The following CACNA1S variants were observed in gnomAD, a reference collection of about 807,000 sequenced individuals.
CACNA1S encodes voltage-dependent L-type calcium channel subunit alpha-1S.
In CACNA1S, 126 loss-of-function variants were observed where a neutral mutation model predicts 207.4. That is an observed-to-expected ratio of 0.61 (90% CI 0.53 to 0.70). CACNA1S has a LOEUF of 0.70. Ranked by LOEUF, CACNA1S falls within the 30% of genes least tolerant of loss-of-function variation. CACNA1S has a pLI of 0.00. For missense variants in CACNA1S, 2,349 were observed against 2,422.8 expected (o/e 0.97, Z 0.64); for synonymous variants, 960 against 932.7 (o/e 1.03, Z -0.53).
intron 36 of CACNA1S, 59 bp downstream of exon 36, chr1:201,048,523 C>T: frequency 7.4e-7 from 1 of 1,356,174 alleles, no homozygotes; most frequent in Non-Finnish European, 1.1e-6. Flanking sequence ...CTGGCAGAAT[C>T]TGTGCCAGAA....
intron 28 of CACNA1S, among the ~76,000 whole-genome samples, chr1:201,058,087 C>T (rs1660909458): frequency 6.6e-6 from 1 of 152,236 alleles, no homozygotes. Context: ...CAGTCACCAC[C>T]TCCCTTTCCT....
chr1:201,104,698 AT>A (rs1160670580), intron 2 of CACNA1S, among the ~76,000 whole-genome samples: 1 of 152,220 alleles, frequency 6.6e-6, no homozygotes, highest in African/African-American at 2.4e-5. Flanking sequence ...ATACTTTGAC[AT>A]AGGATTGCTT....
At position 201,061,561 on chromosome 1, in the gene CACNA1S, G is replaced by A. The variant is rs770445903; in HGVS notation, c.3054-93C>T. The A allele has an allele frequency of 5.1e-4, 584 of 1,142,030 alleles. 3 individuals are homozygous for A. Among genetic ancestry groups the A allele is most frequent in the Non-Finnish European group, 7.0e-4 (552 of 788,834 alleles). The allele number at this position is 1,142,030 out of a possible 1,614,324, so 70.7% of individuals were successfully genotyped here. On this transcript the variant is annotated intron_variant, in intron 24 of 43. Transcript: ENST00000362061. ...GATGGGCTTTATCCCACTGGCTGTGGAGAGCCAAGAGAGCCTTCTCAACAA... is the reference window on the plus strand; with the variant it reads ...GATGGGCTTTATCCCACTGGCTGTGAAGAGCCAAGAGAGCCTTCTCAACAA...
At position 201,048,995 on chromosome 1, in the gene CACNA1S, C is replaced by G; in HGVS notation, c.4338+8G>C. 1 of 1,610,726 alleles carries G rather than the reference C, an allele frequency of 6.2e-7. No homozygotes were observed. Among genetic ancestry groups the G allele is most frequent in the Non-Finnish European group, 8.5e-7 (1 of 1,177,214 alleles). Reference sequence around the variant, plus strand: ...CTGGGGCCACCCATCCCTGGCAGCTCTGGTTACCTTACAAGCTACCCGATG... The same window carrying G: ...CTGGGGCCACCCATCCCTGGCAGCTGTGGTTACCTTACAAGCTACCCGATG... On this transcript the variant is annotated splice_region_variant and intron_variant, in intron 35 of 43. Coordinates refer to ENST00000362061, the MANE Select transcript of CACNA1S (RefSeq NM_000069.3).
In CACNA1S at chr1:201,085,551, C is replaced by G; in HGVS notation, c.1035G>C (p.Lys345Asn). 6.2e-7 allele frequency: 1 copy of G among 1,613,696 alleles called. No homozygotes were observed. The highest frequency in any genetic ancestry group is 8.5e-7 in the Non-Finnish European group (1 of 1,179,974). The change falls in exon 8 of 44, where the codon AAG (lysine) becomes AAC (asparagine). Residue 345 changes from lysine (K) to asparagine (N), a missense_variant. Physicochemically the swap from Lys to Asn is moderately conservative, Grantham distance 94 (BLOSUM62 0). Transcript: ENST00000362061. ...GGAGCTTCTGGAAGGTTCCCCTGGA[C>G]TTGGCCTTCTCCCGCTCCTTGGTGA... ...GEFTKEREKA[K>N]SRGTFQKLRE...
chr1:201,067,040 G>A lies in CACNA1S; in HGVS notation c.2551-47C>T, dbSNP rs1451777841. The stretch of plus-strand genomic sequence containing the variant: ...CCTGGATGGAGGAGCTTGGAGAACA[G>A]GCCTGTCTCCCACAGACAAGGGCTT... On this transcript the variant is annotated intron_variant, in intron 19 of 43. Coordinates refer to ENST00000362061, the MANE Select transcript of CACNA1S (RefSeq NM_000069.3). 6.2e-6 allele frequency: 8 copies of A among 1,286,526 alleles called. No individual in the cohort carries two copies. In the Admixed American group the frequency reaches 1.4e-4, roughly 23 times the overall value. The allele number at this position is 1,286,526 out of a possible 1,614,324, so 79.7% of individuals were successfully genotyped here.
chr1:201,063,194 T>C (rs1661127971), intron 22 of CACNA1S, among the ~76,000 whole-genome samples: 3 of 152,098 alleles, frequency 2.0e-5, no homozygotes, highest in Admixed American at 2.0e-4. Flanking sequence ...AATTATACTT[T>C]AAGTTTTAGG....
intron 1 of CACNA1S, among the ~76,000 whole-genome samples, chr1:201,111,931 T>C (rs1663121931): frequency 6.8e-6 from 1 of 147,214 alleles, no homozygotes; most frequent in African/African-American, 2.5e-5. Context: ...CTCCTCCTCC[T>C]CTTCCTCCTC....
chr1:201,068,236 T>C (rs1661317744), intron 19 of CACNA1S, among the ~76,000 whole-genome samples: 1 of 99,290 alleles, frequency 1.0e-5, no homozygotes, highest in Non-Finnish European at 2.0e-5. Context: ...CTGCTCTTTT[T>C]TTTTTTTTTT....
intron 2 of CACNA1S, among the ~76,000 whole-genome samples, chr1:201,105,977 T>TA (rs1386133368): frequency 2.6e-5 from 4 of 151,414 alleles, no homozygotes; most frequent in Admixed American, 2.0e-4. Context: ...ACCTCTGTCA[T>TA]AAAATGCTTG....
At chr1:201,060,935 G>T in intron 25 of CACNA1S, 119 bp from the exon 26 acceptor site, 1 of 1,256,888 alleles carries the variant, frequency 8.0e-7, no homozygotes, top group Non-Finnish European at 1.2e-6. Context: ...CTGTGGCTGA[G>T]GACTGTGAAC....
At chr1:201,089,965 G>A (rs1433819210) in intron 5 of CACNA1S, among the ~76,000 whole-genome samples, 1 of 152,196 alleles carries the variant, frequency 6.6e-6, no homozygotes, top group Non-Finnish European at 1.5e-5. Context: ...CACCAGGCCC[G>A]AGCCTGCACT....
rs915990790 is a variant in CACNA1S, at chr1:201,112,309, G to A, written c.31C>T (p.Leu11=). The A allele has an allele frequency of 1.9e-6, 3 of 1,613,596 alleles. No homozygotes were observed. Among genetic ancestry groups the A allele is most frequent in the Admixed American group, 1.7e-5 (1 of 59,970 alleles). The part of the protein sequence containing the change: MEPSSPQDEG[L]RKKQPKKPVP... ...GGCTTCTTGGGCTGTTTCTTCCTCA[G>A]GCCTTCATCCTGGGGTGAGGATGGC... Residue 11 remains leucine (L), a synonymous_variant, in exon 1 of 44, where the codon CTG becomes TTG. Transcript: ENST00000362061.
At chr1:201,069,306 T>C in intron 18 of CACNA1S, 110 bp from the exon 19 acceptor site, 1 of 1,421,834 alleles carries the variant, frequency 7.0e-7, no homozygotes. Flanking sequence ...TGCCCCAGCC[T>C]GTGCCGTTCA....
intron 2 of CACNA1S, among the ~76,000 whole-genome samples, chr1:201,103,623 A>G (rs969438852): frequency 6.6e-6 from 1 of 151,862 alleles, no homozygotes; most frequent in African/African-American, 2.4e-5. Flanking sequence ...ATTTCCACAG[A>G]CCCTTTTGGA....
intron 5 of CACNA1S, among the ~76,000 whole-genome samples, chr1:201,090,488 C>G (rs1662184884): frequency 6.6e-6 from 1 of 152,146 alleles, no homozygotes; most frequent in African/African-American, 2.4e-5. Context: ...TTGACTGTCC[C>G]TTTGTTGTCA....
chr1:201,058,326 G>A (rs1417379045), intron 28 of CACNA1S, 82 bp downstream of exon 28: 2 of 1,193,762 alleles, frequency 1.7e-6, no homozygotes, highest in African/African-American at 3.0e-5. Context: ...TGTACACACA[G>A]TGGGCACCCC....
intron 1 of CACNA1S, among the ~76,000 whole-genome samples, chr1:201,111,288 A>G (rs1383429716): frequency 1.3e-5 from 2 of 152,084 alleles, no homozygotes; most frequent in East Asian, 1.9e-4. Context: ...CCTTCTAGGG[A>G]ACAGCTGGTA....
At chr1:201,060,894 C>T (rs1018410146) in intron 25 of CACNA1S, 78 bp from the exon 26 acceptor site, 115 of 1,571,322 alleles carry the variant, frequency 7.3e-5, no homozygotes, top group South Asian at 6.0e-4. Flanking sequence ...ATGGGATTGA[C>T]GGGCAAGTCA....
Sources: allele counts gnomAD v4.1 joint callset (sites outside exome capture counted in the v4.1 genomes callset), GRCh38; gene constraint gnomAD v4.1.1; transcripts MANE v1.5; gene names NCBI Gene and HGNC (gene_info 2026-07-23, HGNC 2026-07-21).